Variants in ARID1B observed in about 807,000 individuals in gnomAD.
ARID1B encodes AT-rich interactive domain-containing protein 1B.
A neutral mutation model predicts 212.3 loss-of-function variants in ARID1B; 30 were observed. That is an observed-to-expected ratio of 0.14 (90% CI 0.11 to 0.19). ARID1B has a LOEUF of 0.19. Ranked by LOEUF, ARID1B falls within the 10% of genes least tolerant of loss-of-function variation. The probability of loss-of-function intolerance (pLI) is 1.00; values close to 1 mark genes in which losing one functional copy is unlikely to be tolerated. For synonymous variants in ARID1B, 1,402 were observed against 1,301.7 expected, an observed-to-expected ratio of 1.08 and a Z score of -1.66; for missense variants, 2,891 against 3,204.0, an observed-to-expected ratio of 0.90 and a Z score of 2.36.
intron 1 of ARID1B, among the ~76,000 whole-genome samples, chr6:156,796,062 G>T (rs1780353394): frequency 6.6e-6 from 1 of 152,138 alleles, no homozygotes; most frequent in Admixed American, 6.5e-5. Context: ...TTTTCAGCGT[G>T]TGTGCTCCTC....
Position 156,829,217 on chromosome 6 carries a change from G to T in ARID1B, c.1792-10G>T, listed in dbSNP as rs986689235. The T allele has an allele frequency of 6.3e-7, 1 of 1,592,006 alleles. No homozygotes were observed. Among genetic ancestry groups the T allele is most frequent in the Non-Finnish European group, 8.6e-7 (1 of 1,167,056 alleles). ...GAATTAATAAACCGACTTCTTTTAT[G>T]TCTTCACAGGGCAGCCCAATGGATC... On this transcript the variant is annotated splice_polypyrimidine_tract_variant and intron_variant, in intron 1 of 19. Transcript: ENST00000636930.
intron 4 of ARID1B, among the ~76,000 whole-genome samples, chr6:157,005,433 C>T (rs993533148): frequency 6.6e-5 from 10 of 152,108 alleles, no homozygotes; most frequent in African/African-American, 1.2e-4. Context: ...GGATTACAGG[C>T]GTGAGTCACC....
chr6:156,866,870 G>A (rs74866464), intron 2 of ARID1B, among the ~76,000 whole-genome samples: 177 of 152,288 alleles, frequency 1.2e-3, no homozygotes, highest in African/African-American at 4.0e-3. Context: ...ACTTGGAAAC[G>A]TTGAAAAACT....
At chr6:157,170,380 A>G (rs1791637580) in intron 9 of ARID1B, 1 of 152,062 alleles carries the variant, frequency 6.6e-6, no homozygotes, top group South Asian at 2.1e-4. Context: ...CTCACAAAGG[A>G]AGGTTTGGGT....
chr6:157,079,432 T>C (rs1371634998), intron 4 of ARID1B, among the ~76,000 whole-genome samples: 1 of 152,236 alleles, frequency 6.6e-6, no homozygotes, highest in Non-Finnish European at 1.5e-5. Context: ...TGTCTGTCAA[T>C]TTATTGACTC....
intron 3 of ARID1B, among the ~76,000 whole-genome samples, chr6:156,928,264 A>G (rs1211220360): frequency 6.6e-6 from 1 of 152,196 alleles, no homozygotes; most frequent in East Asian, 1.9e-4. Flanking sequence ...TATTTGAGGA[A>G]GTCAGCAGCA....
intron 4 of ARID1B, among the ~76,000 whole-genome samples, chr6:157,009,844 C>T (rs1355946506): frequency 6.6e-6 from 1 of 152,186 alleles, no homozygotes; most frequent in Non-Finnish European, 1.5e-5. Context: ...AAGTAGAATC[C>T]CTGTAGGGCC....
intron 5 of ARID1B, among the ~76,000 whole-genome samples, chr6:157,109,398 C>G (rs1273863645): frequency 1.3e-5 from 2 of 152,150 alleles, no homozygotes; most frequent in African/African-American, 4.8e-5. Context: ...ACCACCGCCC[C>G]AGAGGACTAT....
chr6:157,144,265 C>G (rs958508815), intron 7 of ARID1B, among the ~76,000 whole-genome samples: 1 of 152,182 alleles, frequency 6.6e-6, no homozygotes, highest in African/African-American at 2.4e-5. Flanking sequence ...ATTCTACAAA[C>G]TCAGAAACCT....
At chr6:157,049,902 T>C (rs1208688515) in intron 4 of ARID1B, among the ~76,000 whole-genome samples, 1 of 152,240 alleles carries the variant, frequency 6.6e-6, no homozygotes, top group Non-Finnish European at 1.5e-5. Flanking sequence ...AGGATAAGTG[T>C]CTTTTCTTCA....
intron 11 of ARID1B, 58 bp downstream of exon 11, chr6:157,175,063 G>T (rs1266624187): frequency 5.0e-5 from 62 of 1,251,596 alleles, no homozygotes; most frequent in Non-Finnish European, 6.3e-5. Context: ...GGGGTTTTTT[G>T]ATAATTAATT....
intron 2 of ARID1B, among the ~76,000 whole-genome samples, chr6:156,893,856 G>A (rs1400699607): frequency 1.3e-5 from 2 of 152,214 alleles, no homozygotes; most frequent in Non-Finnish European, 1.5e-5. Context: ...GTGAAATGGT[G>A]CAGCCACTGT....
At chr6:156,788,352 A>G (rs1779786163) in intron 1 of ARID1B, among the ~76,000 whole-genome samples, 2 of 152,122 alleles carry the variant, frequency 1.3e-5, no homozygotes, top group Admixed American at 6.5e-5. Flanking sequence ...GCAGTTGTAT[A>G]AATTGGTTTT....
At chr6:156,973,147 C>T (rs1221962232) in intron 4 of ARID1B, among the ~76,000 whole-genome samples, 1 of 152,202 alleles carries the variant, frequency 6.6e-6, no homozygotes, top group Non-Finnish European at 1.5e-5. Flanking sequence ...GTATTGTGCA[C>T]TCAAAAACTG....
intron 4 of ARID1B, among the ~76,000 whole-genome samples, chr6:157,074,234 GGTTT>G (rs1030207466): frequency 1.7e-4 from 26 of 151,810 alleles, no homozygotes; most frequent in African/African-American, 6.1e-4. Context: ...TTTGTTTGTT[GGTTT>G]GTTTGAGACA....
intron 15 of ARID1B, chr6:157,193,516 G>T (rs1051391646): frequency 6.6e-6 from 1 of 152,190 alleles, no homozygotes; most frequent in African/African-American, 2.4e-5. Flanking sequence ...TTGTCAGCTA[G>T]GATATTGAGG....
At chr6:157,099,382 T>C (rs901626046) in intron 5 of ARID1B, among the ~76,000 whole-genome samples, 1 of 152,172 alleles carries the variant, frequency 6.6e-6, no homozygotes, top group Non-Finnish European at 1.5e-5. Context: ...TGCCCCAAGT[T>C]CTCTGTGGGA....
At chr6:156,787,106 C>G (rs1225705554) in intron 1 of ARID1B, among the ~76,000 whole-genome samples, 1 of 151,976 alleles carries the variant, frequency 6.6e-6, no homozygotes. Context: ...AATATAGATT[C>G]ACTACCGAGA....
At chr6:156,785,937 T>G (rs1779601783) in intron 1 of ARID1B, among the ~76,000 whole-genome samples, 1 of 152,222 alleles carries the variant, frequency 6.6e-6, no homozygotes, top group Non-Finnish European at 1.5e-5. Context: ...AGATGTGTAT[T>G]ACAAAGGTTA....
Sources: allele counts gnomAD v4.1 joint callset (sites outside exome capture counted in the v4.1 genomes callset), GRCh38; gene constraint gnomAD v4.1.1; transcripts MANE v1.5; gene names NCBI Gene and HGNC (gene_info 2026-07-23, HGNC 2026-07-21).